DCAF8L2: variants seen among roughly 807,000 people sequenced by gnomAD.
The protein encoded by DCAF8L2 is DDB1- and CUL4-associated factor 8-like protein 2.
For missense variants in DCAF8L2, 430 were observed against 490.7 expected (o/e 0.88, Z 1.17); for synonymous variants, 200 against 190.9 (o/e 1.05, Z -0.39).
At chrX:27,692,348 CACTT>C (rs1930742635) in intron 3 of DCAF8L2, among the ~76,000 whole-genome samples, 1 of 111,839 alleles carries the variant, frequency 8.9e-6, no homozygotes. Flanking sequence ...AGGATTTACT[CACTT>C]ACAGACATGC....
intron 2 of DCAF8L2, among the ~76,000 whole-genome samples, chrX:27,669,631 G>A (rs181463787): frequency 4.5e-5 from 4 of 88,145 alleles, no homozygotes; most frequent in African/African-American, 1.3e-4. Flanking sequence ...CCCCGCCCCC[G>A]CTCCATGACA....
the DCAF8L2 span, among the ~76,000 whole-genome samples, chrX:27,488,775 C>T: frequency 7.5e-4 from 83 of 110,517 alleles, no homozygotes; most frequent in African/African-American, 2.4e-3. Context: ...TCTTTGCCTA[C>T]CTCCTCAGTA....
intron 4 of DCAF8L2, among the ~76,000 whole-genome samples, chrX:27,724,609 A>G (rs1932009432): frequency 9.0e-6 from 1 of 111,491 alleles, no homozygotes; most frequent in Non-Finnish European, 1.9e-5. Context: ...AGTGGAATAT[A>G]TTAAATTTAT....
At chrX:27,490,246 C>T in the DCAF8L2 span, among the ~76,000 whole-genome samples, 1 of 111,944 alleles carries the variant, frequency 8.9e-6, no homozygotes, top group Non-Finnish European at 1.9e-5. Flanking sequence ...TCAAATTTTG[C>T]CAATTTATAA....
intron 4 of DCAF8L2, among the ~76,000 whole-genome samples, chrX:27,729,997 G>A (rs374549774): frequency 2.7e-5 from 3 of 111,548 alleles, no homozygotes; most frequent in African/African-American, 9.8e-5. Flanking sequence ...TCTTACTGGT[G>A]GAATTCATAA....
the DCAF8L2 span, among the ~76,000 whole-genome samples, chrX:27,534,996 G>A: frequency 1.8e-5 from 2 of 111,847 alleles, no homozygotes; most frequent in African/African-American, 6.5e-5. Flanking sequence ...AGTCACTGCA[G>A]TAAAAAACAC....
At chrX:27,644,549 A>G (rs1165850983) in intron 2 of DCAF8L2, among the ~76,000 whole-genome samples, 1 of 111,460 alleles carries the variant, frequency 9.0e-6, no homozygotes, top group Non-Finnish European at 1.9e-5. Context: ...CTGGATAAAT[A>G]TGACCAACAG....
Position 27,728,015 on chromosome X carries a change from A to G in DCAF8L2, c.-59+11844A>G, listed in dbSNP as rs779681661. Among the ~76,000 whole-genome samples the G allele has an allele frequency of 5.4e-5, 6 of 111,742 alleles. No homozygotes were observed. In the East Asian group the frequency reaches 1.7e-3, roughly 32 times the overall value. ...ACTAGTTCTACCTGGGTTCTGACCA[A>G]CTTCATGGGGTAATATCCTGAGAAC... On this transcript the variant is annotated intron_variant, in intron 4 of 4. Transcript: ENST00000451261.
In DCAF8L2 at chrX:27,748,177, G is replaced by C. The variant is rs759260989; in HGVS notation, c.1282G>C (p.Val428Leu). The change falls in exon 5 of 5, where the codon GTT (valine) becomes CTT (leucine). Residue 428 changes from valine to leucine, a missense_variant. Coordinates refer to ENST00000451261, the MANE Select transcript of DCAF8L2 (RefSeq NM_001353450.2). ...NCDFPTNITCVVYSHDGTELL... is the reference protein window; with the variant it reads ...NCDFPTNITCLVYSHDGTELL... ...TGATTTCCCAACAAACATCACCTGC[G>C]TTGTGTACAGCCACGATGGCACAGA... 7 of 1,211,964 alleles carry C rather than the reference G, an allele frequency of 5.8e-6. No individual in the cohort carries two copies. The highest frequency in any genetic ancestry group is 1.8e-5 in the South Asian group (1 of 57,010).
the DCAF8L2 span, among the ~76,000 whole-genome samples, chrX:27,554,381 C>A: frequency 1.8e-5 from 2 of 111,964 alleles, no homozygotes; most frequent in African/African-American, 6.5e-5. Flanking sequence ...GATTTTCCAA[C>A]CCTGGCACAT....
At chrX:27,602,948 ATCCTT>A (rs984924690) in intron 1 of DCAF8L2, among the ~76,000 whole-genome samples, 2 of 112,492 alleles carry the variant, frequency 1.8e-5, no homozygotes, top group Non-Finnish European at 3.8e-5. Flanking sequence ...AGACAACACA[ATCCTT>A]TCATTTGCTA....
chrX:27,526,500 C>G, the DCAF8L2 span, among the ~76,000 whole-genome samples: 3 of 112,347 alleles, frequency 2.7e-5, no homozygotes, highest in Admixed American at 9.4e-5. Flanking sequence ...GAAGTTTGAT[C>G]GTCTGAAGCC....
chrX:27,523,766 C>T, the DCAF8L2 span, among the ~76,000 whole-genome samples: 13 of 109,455 alleles, frequency 1.2e-4, no homozygotes, highest in South Asian at 4.0e-4. Flanking sequence ...ATCTCTCCCC[C>T]GTCCCCCCAC....
chrX:27,633,266 T>C (rs1423417949), intron 2 of DCAF8L2: 1 of 112,190 alleles, frequency 8.9e-6, no homozygotes, highest in Non-Finnish European at 1.9e-5. Context: ...GATAATGATA[T>C]TGGAGAAAAA....
rs766917898 is a variant in DCAF8L2 at position 27,728,224 on chromosome X, G to A, written c.-59+12053G>A. 3.6e-5 allele frequency among the ~76,000 whole-genome samples: 4 copies of A among 111,562 alleles called. No individual in the cohort carries two copies. The South Asian group carries it at 1.1e-3, about 32-fold the overall frequency. On this transcript the variant is annotated intron_variant, in intron 4 of 4. Transcript: ENST00000451261. ...AAAACTCCTCCCTTTTACCCCCTGC[G>A]TGAATGTTCCTGGGGCACATTTAAC...
the DCAF8L2 span, among the ~76,000 whole-genome samples, chrX:27,502,314 C>G: frequency 1.6e-4 from 4 of 24,295 alleles, no homozygotes; most frequent in Admixed American, 6.1e-4. Context: ...GAGTGAAACT[C>G]TGTAAAAAAA....
intron 2 of DCAF8L2, among the ~76,000 whole-genome samples, chrX:27,661,104 CCT>C (rs769458160): frequency 1.1e-4 from 12 of 111,378 alleles, no homozygotes; most frequent in Non-Finnish European, 2.3e-4. Flanking sequence ...GTGTGAATTC[CCT>C]GTCTGGGATA....
Position 27,599,551 on chromosome X carries a change from T to A in DCAF8L2, c.-342+9111T>A, listed in dbSNP as rs187787327. Reference sequence around the variant, plus strand: ...TTTTTACATCATGAAAAAAATTGAATTAGTAGTATAACTATAAAGTAATAG... The same window carrying A: ...TTTTTACATCATGAAAAAAATTGAAATAGTAGTATAACTATAAAGTAATAG... On this transcript the variant is annotated intron_variant, in intron 1 of 4. Coordinates refer to ENST00000451261, the MANE Select transcript of DCAF8L2 (RefSeq NM_001353450.2). 2.9e-4 allele frequency among the ~76,000 whole-genome samples: 32 copies of A among 111,596 alleles called. 1 individual carries two copies. In the East Asian group the frequency reaches 8.7e-3, roughly 30 times the overall value.
intron 3 of DCAF8L2, among the ~76,000 whole-genome samples, chrX:27,711,146 G>T (rs1931512911): frequency 9.0e-6 from 1 of 110,848 alleles, no homozygotes; most frequent in Non-Finnish European, 1.9e-5. Flanking sequence ...AAACAAAACT[G>T]GAATTCTGTA....
Sources: allele counts gnomAD v4.1 joint callset (sites outside exome capture counted in the v4.1 genomes callset), GRCh38; gene constraint gnomAD v4.1.1; transcripts MANE v1.5; gene names NCBI Gene and HGNC (gene_info 2026-07-23, HGNC 2026-07-21).